The following ATXN1 variants were observed in gnomAD, a reference collection of about 807,000 sequenced individuals.
ATXN1 encodes the protein ataxin-1.
Under a neutral mutation model 56.4 loss-of-function variants are expected in ATXN1, and 8 were observed. That is an observed-to-expected ratio of 0.14 (90% confidence interval 0.08 to 0.26). ATXN1 has a LOEUF of 0.26. Among genes scored for constraint, ATXN1 ranks in the 10% least tolerant of loss-of-function variants. The pLI is 1.00. For synonymous variants in ATXN1, 514 were observed against 494.6 expected (o/e 1.04, Z -0.52); for missense variants, 987 against 1,106.5 (o/e 0.89, Z 1.53).
chr6:16,692,808 A>G (rs1476666666), intron 2 of ATXN1, among the ~76,000 whole-genome samples: 1 of 152,248 alleles, frequency 6.6e-6, no homozygotes, highest in African/African-American at 2.4e-5. Flanking sequence ...GCTCAGGCTA[A>G]GTAATGGGCC....
chr6:16,709,803 G>A (rs987199076), intron 2 of ATXN1, among the ~76,000 whole-genome samples: 5 of 152,044 alleles, frequency 3.3e-5, no homozygotes, highest in Non-Finnish European at 7.4e-5. Flanking sequence ...AAACATAGTC[G>A]CAAAAATACT....
At chr6:16,399,128 G>A (rs897448279) in intron 6 of ATXN1, among the ~76,000 whole-genome samples, 3 of 152,206 alleles carry the variant, frequency 2.0e-5, no homozygotes, top group Non-Finnish European at 4.4e-5. Flanking sequence ...CAGGATTTTT[G>A]AGATTGTCAA....
intron 6 of ATXN1, among the ~76,000 whole-genome samples, chr6:16,369,602 G>A (rs1309369745): frequency 6.6e-6 from 1 of 152,156 alleles, no homozygotes; most frequent in East Asian, 1.9e-4. Flanking sequence ...CTTGGCTCCT[G>A]GTAAGCACTT....
rs1760267436 is a variant in ATXN1 at position 16,307,000 on chromosome 6, T to C, written c.1918-141A>G. 4.0e-6 allele frequency: 4 copies of C among 1,005,592 alleles called. No individual in the cohort carries two copies. The highest frequency in any genetic ancestry group is 2.8e-6 in the Non-Finnish European group (2 of 707,846). 62.3% of individuals were successfully genotyped at this position (1,005,592 alleles called of 1,614,324 possible). A position where few individuals can be genotyped will look rare whatever the true frequency, so the allele number is the denominator to read the frequency against. On this transcript the variant is annotated intron_variant, in intron 7 of 7. Coordinates refer to ENST00000436367, the MANE Select transcript of ATXN1 (RefSeq NM_001128164.2). This position sits in a 1 kb window ranked among gnomAD's most constrained non-coding sequence, Gnocchi z 5.2. The stretch of plus-strand genomic sequence containing the variant: ...GCTGAATGGGGGAAAATGACTCAGT[T>C]TGCAAACCTCCCTCTCCCCCAGCCA...
chr6:16,484,802 T>C (rs1035840898), intron 6 of ATXN1, among the ~76,000 whole-genome samples: 1 of 151,986 alleles, frequency 6.6e-6, no homozygotes, highest in Non-Finnish European at 1.5e-5. Flanking sequence ...ATTAGGAACA[T>C]TTTTTTTCCT....
intron 4 of ATXN1, among the ~76,000 whole-genome samples, chr6:16,541,606 C>T (rs1200571761): frequency 3.3e-5 from 5 of 152,150 alleles, no homozygotes; most frequent in East Asian, 1.9e-4. Flanking sequence ...TTCTTCCAGG[C>T]GGCAGACTTC....
At chr6:16,574,226 G>GA (rs1418621336) in intron 4 of ATXN1, among the ~76,000 whole-genome samples, 2 of 152,002 alleles carry the variant, frequency 1.3e-5, no homozygotes, top group Non-Finnish European at 2.9e-5. Flanking sequence ...ATTTATTTGA[G>GA]ACGGAGTCTC....
At chr6:16,441,531 G>A (rs964623371) in intron 6 of ATXN1, among the ~76,000 whole-genome samples, 4 of 151,566 alleles carry the variant, frequency 2.6e-5, no homozygotes, top group African/African-American at 9.7e-5. Flanking sequence ...ACAGAGACAT[G>A]CCCCCAAAAC....
intron 6 of ATXN1, among the ~76,000 whole-genome samples, chr6:16,347,188 C>T (rs1019773278): frequency 6.6e-6 from 1 of 152,228 alleles, no homozygotes; most frequent in Non-Finnish European, 1.5e-5. Flanking sequence ...CTCCACAGCG[C>T]CCAGTCCCAT....
At chr6:16,444,072 C>T (rs576798369) in intron 6 of ATXN1, among the ~76,000 whole-genome samples, 1 of 150,614 alleles carries the variant, frequency 6.6e-6, no homozygotes, top group East Asian at 2.0e-4. Flanking sequence ...GCCGAGATTG[C>T]GCCACTGCAT....
intron 6 of ATXN1, among the ~76,000 whole-genome samples, chr6:16,348,227 C>G (rs561354947): frequency 6.6e-6 from 1 of 152,264 alleles, no homozygotes; most frequent in African/African-American, 2.4e-5. Flanking sequence ...CCACATCTAG[C>G]TACATTTTAA....
rs63589760 is a variant in ATXN1, at chr6:16,300,672, T to G, written c.*5657A>C. 7.0e-6 allele frequency: 1 copy of G among 143,640 alleles called. No homozygotes were observed. Among genetic ancestry groups the G allele is most frequent in the Non-Finnish European group, 1.5e-5 (1 of 65,612 alleles). The allele number at this position is 143,640 out of a possible 1,614,324, so 8.9% of individuals were successfully genotyped here. On this transcript the variant is annotated 3_prime_UTR_variant, in exon 8 of 8. Coordinates refer to ENST00000436367, the MANE Select transcript of ATXN1 (RefSeq NM_001128164.2). Reference sequence around the variant, plus strand: ...TGTGGGGGGAAAGAAGGTGAAATAATTTTTTTTTTTGTCCCCATAATGAGT... The same window carrying G: ...TGTGGGGGGAAAGAAGGTGAAATAAGTTTTTTTTTTGTCCCCATAATGAGT...
chr6:16,542,796 TAG>T (rs1465213456), intron 4 of ATXN1, among the ~76,000 whole-genome samples: 2 of 152,294 alleles, frequency 1.3e-5, no homozygotes, highest in African/African-American at 4.8e-5. Context: ...ACACCCATGA[TAG>T]AGTTTAATTT....
intron 6 of ATXN1, among the ~76,000 whole-genome samples, chr6:16,360,996 G>A: frequency 6.6e-6 from 1 of 152,170 alleles, no homozygotes; most frequent in East Asian, 1.9e-4. Flanking sequence ...TGACTCCCAA[G>A]GACAAGATGT....
chr6:16,423,188 G>A (rs901518686), intron 6 of ATXN1, among the ~76,000 whole-genome samples: 3 of 152,192 alleles, frequency 2.0e-5, no homozygotes, highest in Non-Finnish European at 2.9e-5. Flanking sequence ...CAACGACCCT[G>A]AAATTCTTCT....
At chr6:16,539,724 G>A (rs540210454) in intron 4 of ATXN1, among the ~76,000 whole-genome samples, 2 of 152,252 alleles carry the variant, frequency 1.3e-5, no homozygotes, top group South Asian at 2.1e-4. Context: ...CAAGGTCACC[G>A]ACTAGAGTAA....
At chr6:16,513,526 G>C (rs1263492969) in intron 5 of ATXN1, among the ~76,000 whole-genome samples, 1 of 152,042 alleles carries the variant, frequency 6.6e-6, no homozygotes, top group Non-Finnish European at 1.5e-5. Context: ...CACCTCCCCC[G>C]GAAAAGATAG....
In ATXN1 at chr6:16,572,327, A is replaced by G. The variant is rs137862588; in HGVS notation, c.-361+13453T>C. Among the ~76,000 whole-genome samples the G allele has an allele frequency of 3.3e-5, 5 of 152,324 alleles. No individual in the cohort carries two copies. In the East Asian group the frequency reaches 9.6e-4, roughly 29 times the overall value. On this transcript the variant is annotated intron_variant, in intron 4 of 7. Transcript: ENST00000436367. Reference sequence around the variant, plus strand: ...CAACTGTTAAGAAACAATGATGTATAATGTTGACTGAGAAAGGGACGGAGA... The same window carrying G: ...CAACTGTTAAGAAACAATGATGTATGATGTTGACTGAGAAAGGGACGGAGA...
chr6:16,640,145 A>G (rs140121067), intron 3 of ATXN1, among the ~76,000 whole-genome samples: 6 of 152,106 alleles, frequency 3.9e-5, no homozygotes, highest in Admixed American at 2.0e-4. Flanking sequence ...GCATGTGCTC[A>G]TGTTGAGCCT....
Sources: gnomAD v4.1 joint callset for allele counts (sites outside exome capture counted in the v4.1 genomes callset) on GRCh38, gnomAD v4.1.1 for gene constraint, Gnocchi (gnomAD v3.1) non-coding constraint, MANE v1.5 for transcripts, NCBI Gene and HGNC (gene_info 2026-07-23, HGNC 2026-07-21) for gene names.